The following CYP26B1 variants were observed in gnomAD, a reference collection of about 807,000 sequenced individuals.
CYP26B1 encodes cytochrome P450 26B1.
CYP26B1 carries 8 observed loss-of-function variants against 39.1 expected under a neutral mutation model. The ratio of observed to expected loss-of-function variants is 0.20; its 90% CI spans 0.12 to 0.37. The LOEUF (loss-of-function observed/expected upper bound fraction) is 0.37. Ranked by LOEUF, CYP26B1 falls within the 10% of genes least tolerant of loss-of-function variation. The pLI, the probability that CYP26B1 is intolerant of heterozygous loss-of-function variation, is 1.00. For missense variants in CYP26B1, 615 were observed against 707.0 expected, an observed-to-expected ratio of 0.87 and a Z score of 1.48; for synonymous variants, 321 against 314.3, an observed-to-expected ratio of 1.02 and a Z score of -0.23.
At position 72,144,147 on chromosome 2, in the gene CYP26B1, G is replaced by GC. The variant is rs1677044940; in HGVS notation, c.270dup (p.Arg91AlafsTer114). ...GCGCCGGTCACGCGTATCAGCGGCC[G>GC]CCCCAACAAATGCGTCTTGAACACG... On this transcript the variant is annotated frameshift_variant, in exon 2 of 6. Transcript: ENST00000001146. LOFTEE classifies it high-confidence loss of function. 1 of 1,610,916 alleles carries GC rather than the reference G, an allele frequency of 6.2e-7. No individual in the cohort carries two copies. The highest frequency in any genetic ancestry group is 8.5e-7 in the Non-Finnish European group (1 of 1,177,536).
chr2:72,132,934 T>G, intron 5 of CYP26B1, 89 bp downstream of exon 5: 1 of 1,585,394 alleles, frequency 6.3e-7, no homozygotes, highest in African/African-American at 1.3e-5. Flanking sequence ...AGGCCTGAAG[T>G]CCCTGAAATG....
rs62150092 is a variant in CYP26B1 at position 72,145,332 on chromosome 2, G to A, written c.205-1119C>T. Among the ~76,000 whole-genome samples, 659 of 152,270 alleles carry A rather than the reference G, an allele frequency of 4.3e-3. 2 individuals carry two copies. Among genetic ancestry groups the A allele is most frequent in the Non-Finnish European group, 7.4e-3 (500 of 68,020 alleles). On this transcript the variant is annotated intron_variant, in intron 1 of 5. Transcript: ENST00000001146. Reference sequence around the variant, plus strand: ...GCCGAAAAGTGACTCTGCAGAACCCGGAGCCCTAATCACTTTTCCACATGC... The same window carrying A: ...GCCGAAAAGTGACTCTGCAGAACCCAGAGCCCTAATCACTTTTCCACATGC...
At chr2:72,133,704 G>A (rs921672898) in intron 4 of CYP26B1, among the ~76,000 whole-genome samples, 1 of 152,196 alleles carries the variant, frequency 6.6e-6, no homozygotes, top group African/African-American at 2.4e-5. Context: ...TGTATGTGTG[G>A]GGGATGTGAG....
Position 72,132,104 on chromosome 2 carries a change from A to G in CYP26B1, c.*123T>C. On this transcript the variant is annotated 3_prime_UTR_variant, in exon 6 of 6. Coordinates refer to ENST00000001146, the MANE Select transcript of CYP26B1 (RefSeq NM_019885.4). ...GTAGGGTTTGCCAGGGAGGGGGAGC[A>G]AGGGAGGGCAAGTATGGGGGCCACT... The G allele has an allele frequency of 8.7e-7, 1 of 1,150,454 alleles. No individual in the cohort carries two copies. Among genetic ancestry groups the G allele is most frequent in the Non-Finnish European group, 1.2e-6 (1 of 810,564 alleles). The allele number at this position is 1,150,454 out of a possible 1,614,324, so 71.3% of individuals were successfully genotyped here.
rs1676584690 is a variant in CYP26B1, at chr2:72,131,740, C to T, written c.*487G>A. The T allele has an allele frequency of 6.3e-6, 1 of 158,860 alleles. No individual in the cohort carries two copies. The highest frequency in any genetic ancestry group is 1.9e-4 in the South Asian group (1 of 5,196). 9.8% of individuals were successfully genotyped at this position (158,860 alleles called of 1,614,324 possible). A position where few individuals can be genotyped will look rare whatever the true frequency, so the allele number is the denominator to read the frequency against. On this transcript the variant is annotated 3_prime_UTR_variant, in exon 6 of 6. Coordinates refer to ENST00000001146, the MANE Select transcript of CYP26B1 (RefSeq NM_019885.4). ...CAGGTTGGACGCAGCCCCCGCCCCGCCAAGGTTGACTCCTGTTCTGCTACC... is the reference window on the plus strand; with the variant it reads ...CAGGTTGGACGCAGCCCCCGCCCCGTCAAGGTTGACTCCTGTTCTGCTACC...
At chr2:72,139,446 T>C (rs1221284637) in intron 2 of CYP26B1, among the ~76,000 whole-genome samples, 1 of 152,150 alleles carries the variant, frequency 6.6e-6, no homozygotes, top group Non-Finnish European at 1.5e-5. Context: ...AATCTGGGTG[T>C]GTGGGGCTGG....
rs1297634334 is a variant in CYP26B1, at chr2:72,145,912, C to T, written c.205-1699G>A. Among the ~76,000 whole-genome samples, 3 of 152,148 alleles carry T rather than the reference C, an allele frequency of 2.0e-5. No individual in the cohort carries two copies. The East Asian group carries it at 5.8e-4, about 29-fold the overall frequency. On this transcript the variant is annotated intron_variant, in intron 1 of 5. Transcript: ENST00000001146. ...GATGGCGCTCGGTGGAAACGGAGAG[C>T]CCTTGGAGGTCCCCCCGTAAAATCT...
chr2:72,144,653 C>T, intron 1 of CYP26B1: 1 of 227,558 alleles, frequency 4.4e-6, no homozygotes, highest in Non-Finnish European at 7.3e-6. Flanking sequence ...TAGCGGTAAG[C>T]GGTCGGTGCC....
chr2:72,132,895 T>A, intron 5 of CYP26B1, 128 bp downstream of exon 5: 1 of 1,485,516 alleles, frequency 6.7e-7, no homozygotes, highest in Non-Finnish European at 9.1e-7. Context: ...GACTGAAAGC[T>A]CCCTGAAAGC....
At chr2:72,144,562 C>G in intron 1 of CYP26B1, 3 of 1,031,514 alleles carry the variant, frequency 2.9e-6, no homozygotes, top group Non-Finnish European at 3.6e-6. Context: ...CGCTCGGGAG[C>G]CTCTCGGAAT....
chr2:72,135,612 G>A (rs570573165), intron 2 of CYP26B1, among the ~76,000 whole-genome samples, 193 bp from the exon 3 acceptor site: 1 of 152,220 alleles, frequency 6.6e-6, no homozygotes, highest in Non-Finnish European at 1.5e-5. Flanking sequence ...ATAAGTGGGG[G>A]CTGGGCAGGG....
intron 1 of CYP26B1, among the ~76,000 whole-genome samples, chr2:72,144,852 C>T (rs1484671709): frequency 2.0e-5 from 3 of 152,124 alleles, no homozygotes; most frequent in African/African-American, 7.2e-5. Flanking sequence ...GTTTGGAACC[C>T]GAGCGCGGGG....
At chr2:72,139,836 C>T (rs1418200760) in intron 2 of CYP26B1, among the ~76,000 whole-genome samples, 1 of 152,234 alleles carries the variant, frequency 6.6e-6, no homozygotes, top group African/African-American at 2.4e-5. Context: ...CCCACCACCC[C>T]AGACTCCATA....
Position 72,147,405 on chromosome 2 carries a change from C to T in CYP26B1, c.204+226G>A, listed in dbSNP as rs1010985801. On this transcript the variant is annotated intron_variant, in intron 1 of 5. Transcript: ENST00000001146. This position sits in a 1 kb window ranked among gnomAD's most constrained non-coding sequence, Gnocchi z 6.1. ...TGGGAGCCCCCTCAGGTCCGGGAAC[C>T]CCTCTTACCAGCCCCCTGAACCTGC... Among the ~76,000 whole-genome samples the T allele has an allele frequency of 3.9e-5, 6 of 152,200 alleles. No homozygotes were observed. Among genetic ancestry groups the T allele is most frequent in the African/African-American group, 1.4e-4 (6 of 41,464 alleles).
chr2:72,146,502 G>T (rs906934827), intron 1 of CYP26B1, among the ~76,000 whole-genome samples: 3 of 152,206 alleles, frequency 2.0e-5, no homozygotes, highest in African/African-American at 4.8e-5. Flanking sequence ...CCCCCGCTCC[G>T]CTGTCACTCG....
At position 72,132,606 on chromosome 2, in the gene CYP26B1, G is replaced by A; in HGVS notation, c.1160C>T (p.Pro387Leu). Residue 387 changes from proline (P) to leucine (L), a missense_variant, in exon 6 of 6, where the codon CCC (proline) becomes CTC (leucine). Transcript: ENST00000001146. ...QTFELDGFQIPKGWSVMYSIR... is the reference protein window; with the variant it reads ...QTFELDGFQILKGWSVMYSIR... ...GCTATACATGACACTCCAGCCTTTG[G>A]GGATCTGGAAACCCTGGAGCAAGAT... 1 of 1,607,686 alleles carries A rather than the reference G, an allele frequency of 6.2e-7. No homozygotes were observed. The highest frequency in any genetic ancestry group is 8.5e-7 in the Non-Finnish European group (1 of 1,177,480).
chr2:72,133,330 GT>G, intron 4 of CYP26B1, 23 bp from the exon 5 acceptor site: 1 of 1,594,172 alleles, frequency 6.3e-7, no homozygotes, highest in Non-Finnish European at 8.5e-7. Flanking sequence ...GAGGAGAGGT[GT>G]TGTTGGAGGT....
In CYP26B1 at chr2:72,131,830, C is replaced by A. The variant is rs55707322; in HGVS notation, c.*397G>T. 37,055 of 207,968 alleles carry A rather than the reference C, an allele frequency of 0.18. 4,127 individuals are homozygous for A. Among genetic ancestry groups the A allele is most frequent in the African/African-American group, 0.32 (13,953 of 42,966 alleles). The allele number at this position is 207,968 out of a possible 1,614,324, so 12.9% of individuals were successfully genotyped here. On this transcript the variant is annotated 3_prime_UTR_variant, in exon 6 of 6. Coordinates refer to ENST00000001146, the MANE Select transcript of CYP26B1 (RefSeq NM_019885.4). ...AGGAGGAGACGCTGAAGAGTGCGCC[C>A]AAGGGGGCACGGCTCTTCCCGTCCC...
At chr2:72,143,015 C>T (rs1271725987) in intron 2 of CYP26B1, 1 of 167,170 alleles carries the variant, frequency 6.0e-6, no homozygotes, top group Non-Finnish European at 1.5e-5. Flanking sequence ...TTCGCCAAGA[C>T]CACAGCACAT....
Sources: gnomAD v4.1 joint callset for allele counts (sites outside exome capture counted in the v4.1 genomes callset) on GRCh38, gnomAD v4.1.1 for gene constraint, Gnocchi (gnomAD v3.1) non-coding constraint, MANE v1.5 for transcripts, NCBI Gene and HGNC (gene_info 2026-07-23, HGNC 2026-07-21) for gene names.